The following ARHGAP17 variants were observed in gnomAD, a reference collection of about 807,000 sequenced individuals.
The protein encoded by ARHGAP17 is rho GTPase-activating protein 17.
A neutral mutation model predicts 99.5 loss-of-function variants in ARHGAP17; 57 were observed. The observed-to-expected ratio is 0.57, with a 90% CI of 0.46 to 0.71. ARHGAP17 has a LOEUF of 0.71. Ranked by LOEUF, ARHGAP17 falls within the 30% of genes least tolerant of loss-of-function variation. The pLI, the probability that ARHGAP17 is intolerant of heterozygous loss-of-function variation, is 0.00. For missense variants in ARHGAP17, 1,000 were observed against 1,122.4 expected (o/e 0.89, Z 1.56); for synonymous variants, 417 against 429.6 (o/e 0.97, Z 0.36).
chr16:24,923,947 A>G (rs1272271661), intron 19 of ARHGAP17, among the ~76,000 whole-genome samples: 1 of 152,080 alleles, frequency 6.6e-6, no homozygotes, highest in Non-Finnish European at 1.5e-5. Flanking sequence ...TAGAAGATTT[A>G]CTTATTACTT....
chr16:24,962,544 A>C (rs1456647923), intron 7 of ARHGAP17, among the ~76,000 whole-genome samples: 1 of 152,214 alleles, frequency 6.6e-6, no homozygotes, highest in East Asian at 1.9e-4. Flanking sequence ...CCCCAAACTG[A>C]TTTAAGTTTA....
In ARHGAP17 at chr16:24,943,813, T is replaced by A; in HGVS notation, c.1291A>T (p.Ile431Phe). The A allele has an allele frequency of 3.7e-6, 6 of 1,614,210 alleles. No individual in the cohort carries two copies. The highest frequency in any genetic ancestry group is 5.1e-6 in the Non-Finnish European group (6 of 1,180,034). Residue 431 changes from isoleucine to phenylalanine, a missense_variant, in exon 15 of 20, where the codon ATT becomes TTT. Physicochemically the swap from Ile to Phe is conservative, Grantham distance 21. Transcript: ENST00000289968. Reference protein sequence around the residue: ...AATSVHVVAVIEPIIQHADWF... With the variant: ...AATSVHVVAVFEPIIQHADWF... ...TCGGCATGCTGAATGATGGGTTCAATCACTGCAACCACATGGACGGATGTG... is the reference window on the plus strand; with the variant it reads ...TCGGCATGCTGAATGATGGGTTCAAACACTGCAACCACATGGACGGATGTG...
intron 1 of ARHGAP17, among the ~76,000 whole-genome samples, chr16:25,014,890 G>A (rs998796709): frequency 1.6e-4 from 25 of 152,350 alleles, no homozygotes; most frequent in African/African-American, 5.8e-4. Context: ...GGGAGGAGAA[G>A]GACCGGGTCT....
At chr16:24,990,436 C>T (rs529298255) in intron 1 of ARHGAP17, among the ~76,000 whole-genome samples, 5 of 151,750 alleles carry the variant, frequency 3.3e-5, no homozygotes, top group South Asian at 2.1e-4. Flanking sequence ...CAGTGAGCCA[C>T]GATCGTGCCA....
At chr16:24,982,998 T>TATATA (rs59011851) in intron 1 of ARHGAP17, among the ~76,000 whole-genome samples, 18 of 27,506 alleles carry the variant, frequency 6.5e-4, no homozygotes, top group South Asian at 1.1e-3. Context: ...ATATATATAT[T>TATATA]TTTTTTTTTT....
At chr16:24,952,464 C>T (rs1280781632) in intron 11 of ARHGAP17, 94 bp from the exon 12 acceptor site, 7 of 933,930 alleles carry the variant, frequency 7.5e-6, no homozygotes, top group African/African-American at 5.0e-5. Flanking sequence ...ATCTCAATAA[C>T]GATCTTCCAA....
intron 12 of ARHGAP17, among the ~76,000 whole-genome samples, chr16:24,951,602 C>T (rs1300601023): frequency 1.3e-5 from 2 of 152,182 alleles, no homozygotes; most frequent in African/African-American, 2.4e-5. Flanking sequence ...GCTTCTTCAA[C>T]CTACTCGACA....
intron 19 of ARHGAP17, among the ~76,000 whole-genome samples, chr16:24,928,117 GA>G (rs2050888965): frequency 6.6e-6 from 1 of 152,230 alleles, no homozygotes; most frequent in South Asian, 2.1e-4. Flanking sequence ...CCTGTCCAAG[GA>G]AGTTATATAT....
chr16:25,002,428 T>C (rs550266388), intron 1 of ARHGAP17, among the ~76,000 whole-genome samples: 70 of 152,136 alleles, frequency 4.6e-4, no homozygotes, highest in African/African-American at 1.7e-3. Flanking sequence ...TCCCTTTCCC[T>C]TCCTCCCTGG....
Position 24,942,112 on chromosome 16 carries a change from T to G in ARHGAP17, c.1365A>C (p.Val455=). ...GATTAGAACTCGGGGTGGTGAGAGG[T>G]ACAAATGCTTCTGATACATTAAATT... ...EVEFNVSEAF[V]PLTTPSSNHS... Residue 455 remains valine, a synonymous_variant, in exon 16 of 20, where the codon GTA becomes GTC. Coordinates refer to ENST00000289968, the MANE Select transcript of ARHGAP17 (RefSeq NM_001006634.3). 6.3e-7 allele frequency: 1 copy of G among 1,586,830 alleles called. No individual in the cohort carries two copies. Among genetic ancestry groups the G allele is most frequent in the Non-Finnish European group, 8.6e-7 (1 of 1,164,554 alleles).
At chr16:24,936,876 T>C (rs1385827642) in intron 17 of ARHGAP17, 1 of 151,564 alleles carries the variant, frequency 6.6e-6, no homozygotes, top group South Asian at 2.1e-4. Context: ...CCCAGCACTT[T>C]GGGAGGTTAG....
chr16:24,951,584 C>T (rs142140167), intron 12 of ARHGAP17, among the ~76,000 whole-genome samples: 11 of 152,320 alleles, frequency 7.2e-5, no homozygotes, highest in Non-Finnish European at 1.0e-4. Context: ...AACCCCTTCA[C>T]TTTCTCTGCT....
chr16:25,011,964 T>G (rs189499983), intron 1 of ARHGAP17, among the ~76,000 whole-genome samples: 19 of 152,318 alleles, frequency 1.2e-4, no homozygotes, highest in African/African-American at 4.3e-4. Flanking sequence ...GGTTTTGCTC[T>G]GTGCATTAGC....
chr16:25,009,383 G>A (rs570452015), intron 1 of ARHGAP17, among the ~76,000 whole-genome samples: 63 of 151,514 alleles, frequency 4.2e-4, no homozygotes, highest in Admixed American at 3.8e-3. Flanking sequence ...AAAAAAAAGG[G>A]TGGGGGGAAG....
At chr16:24,938,957 G>A (rs2152456084) in intron 17 of ARHGAP17, among the ~76,000 whole-genome samples, 1 of 152,198 alleles carries the variant, frequency 6.6e-6, no homozygotes, top group Middle Eastern at 3.4e-3. Flanking sequence ...ACGAATGGGT[G>A]AATAAATGCC....
At chr16:24,921,794 C>T (rs1324067376) in intron 19 of ARHGAP17, among the ~76,000 whole-genome samples, 1 of 152,200 alleles carries the variant, frequency 6.6e-6, no homozygotes, top group Non-Finnish European at 1.5e-5. Flanking sequence ...TCAGACAATT[C>T]AGGTCTTGTG....
At chr16:24,958,221 G>A (rs941499106) in intron 9 of ARHGAP17, among the ~76,000 whole-genome samples, 2 of 145,616 alleles carry the variant, frequency 1.4e-5, no homozygotes, top group Non-Finnish European at 3.0e-5. Flanking sequence ...GCAACAGAGT[G>A]AGACTTTGTC....
chr16:24,940,078 T>C (rs1012840753), intron 16 of ARHGAP17, among the ~76,000 whole-genome samples: 1 of 151,874 alleles, frequency 6.6e-6, no homozygotes, highest in Non-Finnish European at 1.5e-5. Context: ...ATCACCATAC[T>C]GGGATACTAA....
intron 6 of ARHGAP17, among the ~76,000 whole-genome samples, chr16:24,964,872 G>A (rs976994368): frequency 6.6e-6 from 1 of 152,044 alleles, no homozygotes; most frequent in Non-Finnish European, 1.5e-5. Flanking sequence ...ACTTTGGGAG[G>A]CTAAGGTGGG....
Sources: gnomAD v4.1 joint callset for allele counts (sites outside exome capture counted in the v4.1 genomes callset) on GRCh38, gnomAD v4.1.1 for gene constraint, MANE v1.5 for transcripts, NCBI Gene and HGNC (gene_info 2026-07-23, HGNC 2026-07-21) for gene names.